MSI2: variants seen among roughly 807,000 people sequenced by gnomAD.
The protein encoded by MSI2 is RNA-binding protein Musashi homolog 2.
MSI2 carries 17 observed loss-of-function variants against 45.6 expected under a neutral mutation model. The observed-to-expected ratio is 0.37, with a 90% CI of 0.26 to 0.56. MSI2 has a LOEUF of 0.56. Among genes scored for constraint, MSI2 ranks in the 20% least tolerant of loss-of-function variants. The pLI is 0.77. For missense variants in MSI2, 293 were observed against 444.2 expected (o/e 0.66, Z 3.06); for synonymous variants, 156 against 158.2 (o/e 0.99, Z 0.11).
intron 11 of MSI2, among the ~76,000 whole-genome samples, chr17:57,656,557 G>T (rs1355703193): frequency 6.6e-6 from 1 of 152,054 alleles, no homozygotes; most frequent in African/African-American, 2.4e-5. Flanking sequence ...GGTAAGGAAG[G>T]GATTGAGATC....
At chr17:57,667,395 A>G (rs1488082176) in intron 11 of MSI2, among the ~76,000 whole-genome samples, 1 of 152,128 alleles carries the variant, frequency 6.6e-6, no homozygotes, top group Non-Finnish European at 1.5e-5. Flanking sequence ...GTGTTGTTGA[A>G]GCATCCGTTC....
At chr17:57,279,283 C>G (rs1909189640) in intron 5 of MSI2, 1 of 152,382 alleles carries the variant, frequency 6.6e-6, no homozygotes, top group East Asian at 1.9e-4. Flanking sequence ...GGGACTATAG[C>G]CGTGCACAGG....
At chr17:57,385,768 G>T (rs952438434) in intron 5 of MSI2, among the ~76,000 whole-genome samples, 1 of 152,178 alleles carries the variant, frequency 6.6e-6, no homozygotes, top group Non-Finnish European at 1.5e-5. Context: ...ATATTTCCCT[G>T]ACTGGTCTGA....
chr17:57,578,237 A>G (rs1265302954), intron 7 of MSI2, among the ~76,000 whole-genome samples: 2 of 152,228 alleles, frequency 1.3e-5, no homozygotes, highest in East Asian at 1.9e-4. Flanking sequence ...ACCACGTTTG[A>G]CATGATCTAA....
At position 57,652,015 on chromosome 17, in the gene MSI2, G is replaced by A; in HGVS notation, c.728-84G>A. ...CTCCTGTCTTTGTGTGGAGGGCGGG[G>A]GGTTGTGTGGCCCGTGACCTAGGTC... is the stretch of plus-strand genomic sequence containing the variant. On this transcript the variant is annotated intron_variant, in intron 10 of 13. Coordinates refer to ENST00000284073, the MANE Select transcript of MSI2 (RefSeq NM_138962.4). This position sits in a 1 kb window ranked among gnomAD's most constrained non-coding sequence, Gnocchi z 4.1. The A allele has an allele frequency of 7.9e-7, 1 of 1,259,270 alleles. No homozygotes were observed. The highest frequency in any genetic ancestry group is 1.2e-5 in the South Asian group (1 of 83,156). 78.0% of individuals were successfully genotyped at this position (1,259,270 alleles called of 1,614,324 possible). A position where few individuals can be genotyped will look rare whatever the true frequency, so the allele number is the denominator to read the frequency against.
intron 6 of MSI2, among the ~76,000 whole-genome samples, chr17:57,420,519 G>A (rs562753157): frequency 2.4e-4 from 37 of 152,332 alleles, no homozygotes; most frequent in African/African-American, 7.9e-4. Context: ...CTCCGAGACC[G>A]TTACCAAGAG....
intron 7 of MSI2, among the ~76,000 whole-genome samples, chr17:57,581,480 G>A (rs1327861277): frequency 2.0e-5 from 3 of 152,184 alleles, no homozygotes; most frequent in Admixed American, 1.3e-4. Flanking sequence ...TGTCTTAAAA[G>A]AGTGTGTTGC....
At chr17:57,543,317 A>G (rs368699306) in intron 7 of MSI2, among the ~76,000 whole-genome samples, 1 of 152,224 alleles carries the variant, frequency 6.6e-6, no homozygotes, top group East Asian at 1.9e-4. Flanking sequence ...GCTGTTCTTA[A>G]CAGCTGATTT....
chr17:57,318,081 G>A (rs1248348187), intron 5 of MSI2, among the ~76,000 whole-genome samples: 1 of 152,128 alleles, frequency 6.6e-6, no homozygotes, highest in African/African-American at 2.4e-5. Context: ...CCCAGGAGGC[G>A]GAGGTTACAG....
At chr17:57,507,292 C>A (rs1006914907) in intron 6 of MSI2, among the ~76,000 whole-genome samples, 1 of 149,008 alleles carries the variant, frequency 6.7e-6, no homozygotes, top group Non-Finnish European at 1.5e-5. Context: ...TCCCCCACCC[C>A]CGACAATGAC....
intron 5 of MSI2, among the ~76,000 whole-genome samples, chr17:57,272,643 A>G (rs541109097): frequency 2.4e-4 from 36 of 152,204 alleles, no homozygotes; most frequent in Admixed American, 3.3e-4. Flanking sequence ...AAAAGCTGCA[A>G]CCTTGGGGGT....
At chr17:57,467,721 C>T (rs535564318) in intron 6 of MSI2, among the ~76,000 whole-genome samples, 1 of 152,242 alleles carries the variant, frequency 6.6e-6, no homozygotes, top group South Asian at 2.1e-4. Flanking sequence ...CTCTAGGACA[C>T]TGGTCCTAGG....
chr17:57,433,276 T>C (rs554318541), intron 6 of MSI2, among the ~76,000 whole-genome samples: 2 of 152,272 alleles, frequency 1.3e-5, no homozygotes, highest in African/African-American at 4.8e-5. Flanking sequence ...TATTTGTAAA[T>C]AGGGTCTTTG....
intron 6 of MSI2, among the ~76,000 whole-genome samples, chr17:57,473,463 G>C (rs1217255013): frequency 6.6e-6 from 1 of 152,184 alleles, no homozygotes; most frequent in Admixed American, 6.5e-5. Context: ...AGAATTCATT[G>C]ACGGCAAAAA....
chr17:57,447,265 T>A (rs1235781487), intron 6 of MSI2, among the ~76,000 whole-genome samples: 2 of 152,068 alleles, frequency 1.3e-5, no homozygotes, highest in Non-Finnish European at 2.9e-5. Context: ...TTGTTTTGTT[T>A]CGTTATTTAT....
At chr17:57,304,223 G>A (rs1055542192) in intron 5 of MSI2, among the ~76,000 whole-genome samples, 59 of 151,536 alleles carry the variant, frequency 3.9e-4, no homozygotes, top group Non-Finnish European at 1.5e-4. Context: ...TGGGCGTGGT[G>A]GCGTGCGCCT....
In MSI2 at chr17:57,680,890, C is replaced by T. The variant is rs1477302068; in HGVS notation, c.*1373C>T. On this transcript the variant is annotated 3_prime_UTR_variant, in exon 14 of 14. Transcript: ENST00000284073. ...GCCTCTCTTCTCCCCCTGCCCCCCACCCTGCTCCCACATCTGGGGGCCCAT... is the reference window on the plus strand; with the variant it reads ...GCCTCTCTTCTCCCCCTGCCCCCCATCCTGCTCCCACATCTGGGGGCCCAT... 4.9e-6 allele frequency: 1 copy of T among 202,626 alleles called. No homozygotes were observed. The highest frequency in any genetic ancestry group is 1.0e-5 in the Non-Finnish European group (1 of 98,566). 12.6% of individuals were successfully genotyped at this position (202,626 alleles called of 1,614,324 possible). A position where few individuals can be genotyped will look rare whatever the true frequency, so the allele number is the denominator to read the frequency against.
intron 5 of MSI2, among the ~76,000 whole-genome samples, chr17:57,286,905 G>T (rs1909942040): frequency 6.6e-6 from 1 of 152,138 alleles, no homozygotes; most frequent in African/African-American, 2.4e-5. Flanking sequence ...GCCGAGGTAG[G>T]TTTAAGCTGA....
intron 6 of MSI2, among the ~76,000 whole-genome samples, chr17:57,451,605 G>A (rs1403336831): frequency 1.3e-5 from 2 of 152,208 alleles, no homozygotes; most frequent in Non-Finnish European, 2.9e-5. Context: ...CAGAAAATGG[G>A]TCCCTAATCT....
Sources: gnomAD v4.1 joint callset for allele counts (sites outside exome capture counted in the v4.1 genomes callset) on GRCh38, gnomAD v4.1.1 for gene constraint, Gnocchi (gnomAD v3.1) non-coding constraint, MANE v1.5 for transcripts, NCBI Gene and HGNC (gene_info 2026-07-23, HGNC 2026-07-21) for gene names.